Variants in SIAE observed in about 807,000 individuals in gnomAD.
SIAE encodes the protein sialate O-acetylesterase.
In SIAE, 39 loss-of-function variants were observed where a neutral mutation model predicts 52.6. The observed-to-expected ratio is 0.74, with a 90% CI of 0.57 to 0.97. The LOEUF is 0.97. Ranked by LOEUF, SIAE falls within the 50% of genes least tolerant of loss-of-function variation. The probability of loss-of-function intolerance (pLI) is 0.00; values close to 1 mark genes in which losing one functional copy is unlikely to be tolerated. For synonymous variants in SIAE, 233 were observed against 241.4 expected (o/e 0.97, Z 0.32); for missense variants, 592 against 662.1 (o/e 0.89, Z 1.16).
rs200609324 is a variant in SIAE at position 124,647,445 on chromosome 11, G to A, written c.886C>T (p.Leu296Phe). The stretch of plus-strand genomic sequence containing the variant: ...AAGGTTTCACGCCAGTCTTCGATGA[G>A]TGCAGGGAATGTGCAATTGTACAGA... ...TDLYNCTFPA[L>F]IEDWRETFHR... is the part of the protein sequence containing the mutation. Residue 296 changes from leucine (L) to phenylalanine (F), a missense_variant, in exon 7 of 10, where the codon CTC (leucine) becomes TTC (phenylalanine). Coordinates refer to ENST00000263593, the MANE Select transcript of SIAE (RefSeq NM_170601.5). The A allele has an allele frequency of 4.1e-4, 655 of 1,614,194 alleles. 5 individuals are homozygous for A. In the South Asian group the frequency reaches 6.4e-3, roughly 16 times the overall value.
intron 3 of SIAE, among the ~76,000 whole-genome samples, chr11:124,655,429 C>A (rs1943084438): frequency 6.6e-6 from 1 of 152,154 alleles, no homozygotes; most frequent in African/African-American, 2.4e-5. Context: ...CCTGCCTTGG[C>A]CTCCCAGAGT....
At chr11:124,637,459 A>G (rs3751048) in intron 9 of SIAE, among the ~76,000 whole-genome samples, 1 of 152,222 alleles carries the variant, frequency 6.6e-6, no homozygotes, top group East Asian at 1.9e-4. Context: ...AGGAAGCATG[A>G]TCACATAAGG....
At chr11:124,668,406 G>A (rs1224583047) in intron 2 of SIAE, among the ~76,000 whole-genome samples, 1 of 152,192 alleles carries the variant, frequency 6.6e-6, no homozygotes, top group Non-Finnish European at 1.5e-5. Context: ...CCTCATTAAG[G>A]AAGAGGACAT....
At position 124,645,540 on chromosome 11, in the gene SIAE, A is replaced by G. The variant is rs1436456811; in HGVS notation, c.966+1825T>C. Among the ~76,000 whole-genome samples, 1 of 152,090 alleles carries G rather than the reference A, an allele frequency of 6.6e-6. No homozygotes were observed. The highest frequency in any genetic ancestry group is 2.1e-4 in the South Asian group (1 of 4,816). On this transcript the variant is annotated intron_variant, in intron 7 of 9. Transcript: ENST00000263593. The surrounding 1 kb of genome is among the most constrained non-coding windows in gnomAD (Gnocchi z 4.7). ...GGTCTCGAACTCCCGACCTCAGGTGATCCGCCCACCTCGGCCTCCCAGAGT... is the reference window on the plus strand; with the variant it reads ...GGTCTCGAACTCCCGACCTCAGGTGGTCCGCCCACCTCGGCCTCCCAGAGT...
upstream of SIAE, chr11:124,676,106 C>T (rs1445009044): frequency 2.0e-5 from 3 of 152,196 alleles, no homozygotes; most frequent in African/African-American, 7.2e-5. Flanking sequence ...AAATCCCCAA[C>T]CTTGAAGGTT....
At chr11:124,647,656 C>A (rs530237382) in intron 6 of SIAE, among the ~76,000 whole-genome samples, 158 bp from the exon 7 acceptor site, 1 of 152,090 alleles carries the variant, frequency 6.6e-6, no homozygotes, top group East Asian at 1.9e-4. Flanking sequence ...AAATGTGGTA[C>A]GAACAGAGGC....
chr11:124,675,373 G>A, upstream of SIAE: 3 of 1,614,126 alleles, frequency 1.9e-6, no homozygotes, highest in East Asian at 2.2e-5. Flanking sequence ...CAATATACCA[G>A]CTTTTGCAGC....
At chr11:124,643,737 T>TA (rs1458196132) in intron 7 of SIAE, among the ~76,000 whole-genome samples, 1 of 152,238 alleles carries the variant, frequency 6.6e-6, no homozygotes, top group Non-Finnish European at 1.5e-5. Flanking sequence ...GATAGCATCT[T>TA]ATTCTTAGCT....
chr11:124,662,544 G>A (rs7124585), intron 2 of SIAE, among the ~76,000 whole-genome samples: 26,803 of 152,198 alleles, frequency 0.18, 6,319 homozygotes, highest in African/African-American at 0.54. Context: ...TCCAGGCAAC[G>A]TGGCTGGTGA....
intron 2 of SIAE, among the ~76,000 whole-genome samples, chr11:124,667,476 G>A (rs1439395628): frequency 6.6e-6 from 1 of 152,210 alleles, no homozygotes; most frequent in Non-Finnish European, 1.5e-5. Flanking sequence ...TTTGCTGAAT[G>A]GAAATGAATT....
chr11:124,657,011 ATC>A (rs1943112602), intron 3 of SIAE, among the ~76,000 whole-genome samples: 1 of 152,108 alleles, frequency 6.6e-6, no homozygotes, highest in Admixed American at 6.5e-5. Flanking sequence ...TGCCCCTTGA[ATC>A]TCTCTGGACT....
intron 3 of SIAE, among the ~76,000 whole-genome samples, chr11:124,655,528 C>T (rs1350359483): frequency 6.6e-6 from 1 of 152,014 alleles, no homozygotes; most frequent in Non-Finnish European, 1.5e-5. Context: ...CCAAAAAGGC[C>T]GTGGGGAGGT....
At position 124,636,399 on chromosome 11, in the gene SIAE, T is replaced by C. The variant is rs2134347528; in HGVS notation, c.*552A>G. On this transcript the variant is annotated 3_prime_UTR_variant, in exon 10 of 10. Coordinates refer to ENST00000263593, the MANE Select transcript of SIAE (RefSeq NM_170601.5). ...TCCACATAAGGAAAAACTTGGAAAG[T>C]TTTGAATGGAAAGTTCATAGAGAGA... is the stretch of plus-strand genomic sequence containing the variant. The C allele has an allele frequency of 6.4e-6, 1 of 157,124 alleles. No individual in the cohort carries two copies. Among genetic ancestry groups the C allele is most frequent in the South Asian group, 1.8e-4 (1 of 5,454 alleles). The allele number at this position is 157,124 out of a possible 1,614,324, so 9.7% of individuals were successfully genotyped here.
Position 124,636,959 on chromosome 11 carries a change from C to CAACA in SIAE, c.1560_1563dup (p.Ala522CysfsTer3). ...TGATCATACTGAAACAGTCATTTAG[C>CAACA]AACATTGCTCTGATGTCCAGGACCC... is the stretch of plus-strand genomic sequence containing the variant. On this transcript the variant is annotated frameshift_variant, in exon 10 of 10. Coordinates refer to ENST00000263593, the MANE Select transcript of SIAE (RefSeq NM_170601.5). LOFTEE classifies it high-confidence loss of function. 1.2e-6 allele frequency: 2 copies of CAACA among 1,614,142 alleles called. No individual in the cohort carries two copies. Among genetic ancestry groups the CAACA allele is most frequent in the Non-Finnish European group, 8.5e-7 (1 of 1,180,030 alleles).
At chr11:124,675,159 A>C, upstream of SIAE, 1 of 1,386,644 alleles carries the variant, frequency 7.2e-7, no homozygotes, top group Non-Finnish European at 9.8e-7. Context: ...GAGTCTCAGA[A>C]ATAATTTGTT....
chr11:124,635,724 T>C lies in SIAE; in HGVS notation c.*1227A>G, dbSNP rs961509863. The C allele has an allele frequency of 7.2e-5, 11 of 152,352 alleles. No individual in the cohort carries two copies. Among genetic ancestry groups the C allele is most frequent in the African/African-American group, 2.2e-4 (9 of 41,590 alleles). 9.4% of individuals were successfully genotyped at this position (152,352 alleles called of 1,614,324 possible). On this transcript the variant is annotated 3_prime_UTR_variant, in exon 10 of 10. Transcript: ENST00000263593. ...ACATTAAGGGGAGGAAAGCTACCCA[T>C]AGATAGTATTCTTACTCCTTTTCAC...
intron 1 of SIAE, among the ~76,000 whole-genome samples, chr11:124,671,686 G>A (rs552107128): frequency 2.6e-5 from 4 of 152,208 alleles, no homozygotes; most frequent in Admixed American, 2.0e-4. Flanking sequence ...AAAAAAGAGA[G>A]AGAGAATGAG....
In SIAE at chr11:124,634,587, G is replaced by A. The variant is rs1004457776; in HGVS notation, c.*2364C>T. 9.9e-5 allele frequency: 15 copies of A among 152,092 alleles called. No homozygotes were observed. The highest frequency in any genetic ancestry group is 3.1e-4 in the African/African-American group (13 of 41,400). The allele number at this position is 152,092 out of a possible 1,614,324, so 9.4% of individuals were successfully genotyped here. On this transcript the variant is annotated 3_prime_UTR_variant, in exon 10 of 10. Coordinates refer to ENST00000263593, the MANE Select transcript of SIAE (RefSeq NM_170601.5). ...TAAGAACCCTAAGAAATAACTGGAC[G>A]AGTGTGGTATGATGTTTGCATGTGA...
chr11:124,658,615 A>T (rs1943136629), intron 3 of SIAE, among the ~76,000 whole-genome samples: 1 of 152,220 alleles, frequency 6.6e-6, no homozygotes. Context: ...ATTTATAAAC[A>T]TCTCACTCAG....
Sources: allele counts gnomAD v4.1 joint callset (sites outside exome capture counted in the v4.1 genomes callset), GRCh38; gene constraint gnomAD v4.1.1; non-coding constraint Gnocchi (gnomAD v3.1); transcripts MANE v1.5; gene names NCBI Gene and HGNC (gene_info 2026-07-23, HGNC 2026-07-21).